The following AKR1C1 variants were observed in gnomAD, a reference collection of about 807,000 sequenced individuals.
The protein encoded by AKR1C1 is 20 alpha-hydroxysteroid dehydrogenase.
In AKR1C1, 32 loss-of-function variants were observed where a neutral mutation model predicts 40.6. That is an observed-to-expected ratio of 0.79 (90% CI 0.60 to 1.06). The LOEUF is 1.06. Among genes scored for constraint, AKR1C1 ranks in the 50% least tolerant of loss-of-function variants. AKR1C1 has a pLI of 0.00. For synonymous variants in AKR1C1, 105 were observed against 134.2 expected (o/e 0.78, Z 1.50); for missense variants, 320 against 363.5 (o/e 0.88, Z 0.97).
chr10:4,968,147 T>A, intron 3 of AKR1C1, 162 bp from the exon 4 acceptor site: 3 of 1,113,838 alleles, frequency 2.7e-6, no homozygotes, highest in Non-Finnish European at 3.8e-6. Context: ...CCTGAAGACA[T>A]TCCTTATACC....
chr10:4,977,161 A>C (rs1475317011), intron 8 of AKR1C1, among the ~76,000 whole-genome samples: 1 of 152,228 alleles, frequency 6.6e-6, no homozygotes, highest in East Asian at 1.9e-4. Context: ...AAAATGGTTT[A>C]TACATTGTAG....
rs1303192035 is a variant in AKR1C1, at chr10:4,980,523, TG to T, written c.*2782del. 11 of 146,254 alleles carry T rather than the reference TG, an allele frequency of 7.5e-5. No individual in the cohort carries two copies. The highest frequency in any genetic ancestry group is 2.5e-4 in the African/African-American group (10 of 40,004). 9.1% of individuals were successfully genotyped at this position (146,254 alleles called of 1,614,324 possible). ...TATCAACTATGCTTCTGTAATATTC[TG>T]AATCCTTCGCTGCCTTTCCAACAGT... is the stretch of plus-strand genomic sequence containing the variant. On this transcript the variant is annotated 3_prime_UTR_variant, in exon 9 of 9. Coordinates refer to ENST00000380872, the MANE Select transcript of AKR1C1 (RefSeq NM_001353.6).
At chr10:4,966,620 A>G (rs1190028596) in intron 2 of AKR1C1, among the ~76,000 whole-genome samples, 1 of 152,234 alleles carries the variant, frequency 6.6e-6, no homozygotes, top group Non-Finnish European at 1.5e-5. Context: ...TAATTACACT[A>G]CTAACATGAG....
At position 4,981,282 on chromosome 10, in the gene AKR1C1, A is replaced by C. The variant is rs1836610475; in HGVS notation, c.*3540A>C. The C allele has an allele frequency of 6.6e-6, 1 of 152,222 alleles. No individual in the cohort carries two copies. Among genetic ancestry groups the C allele is most frequent in the Non-Finnish European group, 1.5e-5 (1 of 68,030 alleles). 9.4% of individuals were successfully genotyped at this position (152,222 alleles called of 1,614,324 possible). Reference sequence around the variant, plus strand: ...GGACCCTAGGATTGTTAGAATAGTAAATGAACATCATATGTTGTAATATAG... The same window carrying C: ...GGACCCTAGGATTGTTAGAATAGTACATGAACATCATATGTTGTAATATAG... On this transcript the variant is annotated 3_prime_UTR_variant, in exon 9 of 9. Transcript: ENST00000380872.
chr10:4,967,080 G>A (rs772633250), intron 3 of AKR1C1, 37 bp downstream of exon 3: 9 of 1,576,258 alleles, frequency 5.7e-6, no homozygotes, highest in South Asian at 1.1e-5. Flanking sequence ...TTTCACTTTT[G>A]TTCTCAGCAT....
chr10:4,971,256 A>T (rs1260196296), intron 5 of AKR1C1, among the ~76,000 whole-genome samples: 1 of 151,946 alleles, frequency 6.6e-6, no homozygotes, highest in African/African-American at 2.4e-5. Context: ...TTTAATTAAA[A>T]ATGATTTCTC....
chr10:4,965,183 G>C (rs1298240571), intron 1 of AKR1C1, among the ~76,000 whole-genome samples: 1 of 152,134 alleles, frequency 6.6e-6, no homozygotes, highest in Non-Finnish European at 1.5e-5. Flanking sequence ...TATGGTGGGA[G>C]AGGAATCACA....
In AKR1C1 at chr10:4,968,373, G is replaced by T. The variant is rs766973426; in HGVS notation, c.434G>T (p.Cys145Phe). 1.9e-6 allele frequency: 3 copies of T among 1,575,062 alleles called. No individual in the cohort carries two copies. Among genetic ancestry groups the T allele is most frequent in the South Asian group, 1.1e-5 (1 of 87,336 alleles). The change falls in exon 4 of 9, where the codon TGT becomes TTT. Residue 145 changes from cysteine to phenylalanine, a missense_variant. By Grantham distance (205) the Cys-to-Phe change is radical (BLOSUM62 -2). Coordinates refer to ENST00000380872, the MANE Select transcript of AKR1C1 (RefSeq NM_001353.6). The stretch of plus-strand genomic sequence containing the variant: ...ATACTATTTGACACAGTGGATCTCT[G>T]TGCCACATGGGAGGTGAGTGTTTGG... Reference protein sequence around the residue: ...GKILFDTVDLCATWEAVEKCK... With the variant: ...GKILFDTVDLFATWEAVEKCK...
chr10:4,964,084 C>G (rs763884617), intron 1 of AKR1C1, among the ~76,000 whole-genome samples: 15 of 152,030 alleles, frequency 9.9e-5, no homozygotes, highest in Non-Finnish European at 1.2e-4. Context: ...TAGAACCTAA[C>G]AAGGAAAATT....
chr10:4,973,561 T>C (rs1372813047), intron 7 of AKR1C1, among the ~76,000 whole-genome samples: 9 of 152,150 alleles, frequency 5.9e-5, no homozygotes, highest in South Asian at 2.1e-4. Flanking sequence ...GGCTCAGAGC[T>C]GCCAACCATT....
intron 1 of AKR1C1, 46 bp from the exon 2 acceptor site, chr10:4,965,868 C>G (rs746238071): frequency 1.6e-5 from 26 of 1,582,558 alleles, no homozygotes; most frequent in Non-Finnish European, 2.1e-5. Flanking sequence ...TGAACTAACT[C>G]TCAGGCACAT....
At position 4,979,260 on chromosome 10, in the gene AKR1C1, A is replaced by G. The variant is rs1836577707; in HGVS notation, c.*1518A>G. ...TCTTCTATCATTCCGCTGATCTTAG[A>G]TATTCTCTGCATTAAATATTAAATA... is the stretch of plus-strand genomic sequence containing the variant. On this transcript the variant is annotated 3_prime_UTR_variant, in exon 9 of 9. Transcript: ENST00000380872. 1 of 152,146 alleles carries G rather than the reference A, an allele frequency of 6.6e-6. No individual in the cohort carries two copies. The highest frequency in any genetic ancestry group is 6.5e-5 in the Admixed American group (1 of 15,274). 9.4% of individuals were successfully genotyped at this position (152,146 alleles called of 1,614,324 possible).
chr10:4,971,063 C>T (rs1766403147), intron 5 of AKR1C1, among the ~76,000 whole-genome samples: 1 of 151,902 alleles, frequency 6.6e-6, no homozygotes. Flanking sequence ...GGATAATTCT[C>T]AACAGAAGAA....
rs1564321221 is a variant in AKR1C1 at position 4,981,937 on chromosome 10, G to T, written c.*4195G>T. ...TCAGAGTTCTGTGCGCAGACTGCCT[G>T]GATGTAAACCTGGCACTGTTAGCAG... On this transcript the variant is annotated 3_prime_UTR_variant, in exon 9 of 9. Coordinates refer to ENST00000380872, the MANE Select transcript of AKR1C1 (RefSeq NM_001353.6). 6.6e-6 allele frequency: 1 copy of T among 152,264 alleles called. No individual in the cohort carries two copies. The highest frequency in any genetic ancestry group is 1.5e-5 in the Non-Finnish European group (1 of 68,074). 9.4% of individuals were successfully genotyped at this position (152,264 alleles called of 1,614,324 possible). A position where few individuals can be genotyped will look rare whatever the true frequency, so the allele number is the denominator to read the frequency against.
At chr10:4,975,110 A>G (rs1554770325) in intron 7 of AKR1C1, among the ~76,000 whole-genome samples, 1 of 151,662 alleles carries the variant, frequency 6.6e-6, no homozygotes, top group Admixed American at 6.6e-5. Context: ...GATGATTTTA[A>G]TAGTTTTTGA....
rs138491585 is a variant in AKR1C1 at position 4,965,766 on chromosome 10, C to G, written c.85-148C>G. 258 of 904,962 alleles carry G rather than the reference C, an allele frequency of 2.9e-4. 4 individuals are homozygous for G. In the East Asian group the frequency reaches 7.2e-3, roughly 25 times the overall value. The allele number at this position is 904,962 out of a possible 1,614,324, so 56.1% of individuals were successfully genotyped here. A position where few individuals can be genotyped will look rare whatever the true frequency, so the allele number is the denominator to read the frequency against. On this transcript the variant is annotated intron_variant, in intron 1 of 8. Coordinates refer to ENST00000380872, the MANE Select transcript of AKR1C1 (RefSeq NM_001353.6). ...CCTTTATTACTAACTGGGAAAGACC[C>G]AGGGAGACTGGGATGGGCTCATGAT... is the stretch of plus-strand genomic sequence containing the variant.
chr10:4,969,840 T>G lies in AKR1C1; in HGVS notation c.570+896T>G, dbSNP rs1003888837. 7.5e-6 allele frequency: 9 copies of G among 1,193,984 alleles called. No individual in the cohort carries two copies. The Admixed American group carries it at 1.9e-4, about 25-fold the overall frequency. The allele number at this position is 1,193,984 out of a possible 1,614,324, so 74.0% of individuals were successfully genotyped here. Reference sequence around the variant, plus strand: ...TTATTTTATGTTTTAAAACTTAGAGTCAATCAGTGAAGATCTACAGTGGAA... The same window carrying G: ...TTATTTTATGTTTTAAAACTTAGAGGCAATCAGTGAAGATCTACAGTGGAA... On this transcript the variant is annotated intron_variant, in intron 5 of 8. Transcript: ENST00000380872.
chr10:4,966,497 C>T lies in AKR1C1; in HGVS notation c.252+416C>T, dbSNP rs570961797. Among the ~76,000 whole-genome samples the T allele has an allele frequency of 3.3e-5, 5 of 152,318 alleles. No individual in the cohort carries two copies. The South Asian group carries it at 1.0e-3, about 32-fold the overall frequency. ...TGTGAGTATTAAAGAATAACGCCTA[C>T]ATTATCTCAAATTGTGTCCAGCCCA... is the stretch of plus-strand genomic sequence containing the variant. On this transcript the variant is annotated intron_variant, in intron 2 of 8. Transcript: ENST00000380872.
In AKR1C1 at chr10:4,972,204, G is replaced by T. The variant is rs1764696787; in HGVS notation, c.574G>T (p.Glu192Ter). 1 of 1,613,648 alleles carries T rather than the reference G, an allele frequency of 6.2e-7. No homozygotes were observed. Among genetic ancestry groups the T allele is most frequent in the Non-Finnish European group, 8.5e-7 (1 of 1,179,926 alleles). The change falls in exon 6 of 9, where the codon GAA (glutamate) becomes TAA (stop). Residue 192 changes from glutamate to a stop codon, truncating the protein, a stop_gained. Transcript: ENST00000380872. LOFTEE classifies it high-confidence loss of function. ...LKYKPVCNQV[E>*]CHPYFNQRKL... Reference sequence around the variant, plus strand: ...TTTCCATCTTGCTCGTCTGCAGGTGGAATGTCATCCTTACTTCAACCAGAG... The same window carrying T: ...TTTCCATCTTGCTCGTCTGCAGGTGTAATGTCATCCTTACTTCAACCAGAG...
Sources: gnomAD v4.1 joint callset for allele counts (sites outside exome capture counted in the v4.1 genomes callset) on GRCh38, gnomAD v4.1.1 for gene constraint, MANE v1.5 for transcripts, NCBI Gene and HGNC (gene_info 2026-07-23, HGNC 2026-07-21) for gene names.